Variants in MPP2 observed in about 807,000 individuals in gnomAD.
MPP2 encodes MAGUK p55 subfamily member 2.
MPP2 carries 42 observed loss-of-function variants against 58.5 expected under a neutral mutation model. That is an observed-to-expected ratio of 0.72 (90% CI 0.56 to 0.93). The LOEUF (loss-of-function observed/expected upper bound fraction) is 0.93, where lower values mean the gene tolerates loss of function less well. Among genes scored for constraint, MPP2 ranks in the 40% least tolerant of loss-of-function variants. The pLI, the probability that MPP2 is intolerant of heterozygous loss-of-function variation, is 0.00. For missense variants in MPP2, 632 were observed against 760.4 expected, an observed-to-expected ratio of 0.83 and a Z score of 1.99; for synonymous variants, 300 against 307.8, an observed-to-expected ratio of 0.97 and a Z score of 0.26.
At chr17:43,883,128 C>G in intron 4 of MPP2, 75 bp downstream of exon 4, 2 of 1,555,188 alleles carry the variant, frequency 1.3e-6, no homozygotes, top group Middle Eastern at 1.8e-4. Context: ...CAACTTCCTG[C>G]TGGCCCATCC....
chr17:43,901,551 T>C (rs775657885), intron 2 of MPP2: 97 of 985,114 alleles, frequency 9.8e-5, no homozygotes, highest in Non-Finnish European at 1.1e-4. Flanking sequence ...CCCTGAGGAG[T>C]GGCACCAGGT....
In MPP2 at chr17:43,880,091, G is replaced by T. The variant is rs983281340; in HGVS notation, c.1151-107C>A. 9.5e-7 allele frequency: 1 copy of T among 1,056,966 alleles called. No homozygotes were observed. The highest frequency in any genetic ancestry group is 1.4e-6 in the Non-Finnish European group (1 of 716,890). 65.5% of individuals were successfully genotyped at this position (1,056,966 alleles called of 1,614,324 possible). A position where few individuals can be genotyped will look rare whatever the true frequency, so the allele number is the denominator to read the frequency against. On this transcript the variant is annotated intron_variant, in intron 10 of 12. Transcript: ENST00000269095. The surrounding 1 kb of genome is among the most constrained non-coding windows in gnomAD (Gnocchi z 5.2). ...GCCCCCGTTTCCCAGCCTTGGAGGT[G>T]CAGTCTGCTCCCCATCTTGCCAGCA... is the stretch of plus-strand genomic sequence containing the variant.
Position 43,879,608 on chromosome 17 carries a change from T to A in MPP2, c.1353+174A>T, listed in dbSNP as rs2047008608. On this transcript the variant is annotated intron_variant, in intron 11 of 12. Coordinates refer to ENST00000269095, the MANE Select transcript of MPP2 (RefSeq NM_005374.5). The surrounding 1 kb of genome is among the most constrained non-coding windows in gnomAD (Gnocchi z 4.1). The stretch of plus-strand genomic sequence containing the variant: ...TGACTGGAGGAGACTAGAGGAGGAG[T>A]GGGGACTCTGGAAGGCTGAGAAAGG... Among the ~76,000 whole-genome samples the A allele has an allele frequency of 6.6e-6, 1 of 150,428 alleles. No homozygotes were observed. The highest frequency in any genetic ancestry group is 2.5e-5 in the African/African-American group (1 of 40,724).
intron 3 of MPP2, among the ~76,000 whole-genome samples, chr17:43,892,542 CT>C (rs139751840): frequency 1.0e-4 from 15 of 149,720 alleles, no homozygotes; most frequent in East Asian, 5.9e-4. Context: ...AAATGAATGG[CT>C]TTTTTTTTTC....
In MPP2 at chr17:43,883,270, G is replaced by A. The variant is rs148439699; in HGVS notation, c.236C>T (p.Ala79Val). Residue 79 changes from alanine (A) to valine (V), a missense_variant, in exon 4 of 13, where the codon GCG becomes GTG. Physicochemically the swap from Ala to Val is moderately conservative, Grantham distance 64 (BLOSUM62 0). Transcript: ENST00000269095. ...ELVQEILRDL[A>V]QLAEQSSTAA... is the part of the protein sequence containing the mutation. ...TGTGCTGCTCTGCTCAGCCAGCTGC[G>A]CCAGGTCCCGCAGGATCTCCTGCAC... 3.8e-5 allele frequency: 61 copies of A among 1,612,246 alleles called. No individual in the cohort carries two copies. The African/African-American group carries it at 4.5e-4, about 12-fold the overall frequency.
intron 6 of MPP2, among the ~76,000 whole-genome samples, chr17:43,881,945 T>C (rs1597759679): frequency 6.6e-6 from 1 of 152,104 alleles, no homozygotes; most frequent in South Asian, 2.1e-4. Flanking sequence ...ACCCCCAGAA[T>C]TGACCAACCA....
chr17:43,899,999 G>A (rs948288360), intron 2 of MPP2, among the ~76,000 whole-genome samples: 2 of 152,174 alleles, frequency 1.3e-5, no homozygotes, highest in Admixed American at 1.3e-4. Flanking sequence ...CACCCCTGGC[G>A]CCTCTCAATG....
At chr17:43,895,825 T>C (rs376996964) in intron 3 of MPP2, among the ~76,000 whole-genome samples, 28 of 152,286 alleles carry the variant, frequency 1.8e-4, no homozygotes, top group African/African-American at 6.5e-4. Flanking sequence ...CTTTAGTAAA[T>C]GAGTAGGATC....
chr17:43,902,943 G>A (rs73304628), intron 2 of MPP2, among the ~76,000 whole-genome samples: 3,381 of 152,214 alleles, frequency 0.022, 142 homozygotes, highest in African/African-American at 0.077. Context: ...ATATGTCTAC[G>A]ATGAGGGCTC....
chr17:43,880,721 C>G lies in MPP2; in HGVS notation c.1120G>C (p.Asp374His), dbSNP rs755393365. Residue 374 changes from aspartate to histidine, a missense_variant, in exon 10 of 13, where the codon GAT (aspartate) becomes CAT (histidine). Coordinates refer to ENST00000269095, the MANE Select transcript of MPP2 (RefSeq NM_005374.5). The surrounding 1 kb of genome is among the most constrained non-coding windows in gnomAD (Gnocchi z 5.2). The stretch of plus-strand genomic sequence containing the variant: ...ACCGTGGTGCCATAGCGATCTGGAT[C>G]CCACATGATGAGCTTGTTCTTCAGG... Reference protein sequence around the residue: ...RSLKNKLIMWDPDRYGTTVPY... With the variant: ...RSLKNKLIMWHPDRYGTTVPY... The G allele has an allele frequency of 6.2e-7, 1 of 1,613,286 alleles. No homozygotes were observed. Among genetic ancestry groups the G allele is most frequent in the Non-Finnish European group, 8.5e-7 (1 of 1,179,448 alleles).
rs770095533 is a variant in MPP2, at chr17:43,881,259, G to C, written c.904C>G (p.Leu302Val). The C allele has an allele frequency of 2.5e-6, 4 of 1,614,090 alleles. No homozygotes were observed. The highest frequency in any genetic ancestry group is 3.4e-6 in the Non-Finnish European group (4 of 1,179,984). ...RKAFVKRDLE[L>V]TPNSGTLCGS... is the part of the protein sequence containing the mutation. ...GACCTCCTACCTGAGTTTGGTGTCAGCTCCAGGTCCCTCTTGACAAATGCT... is the reference window on the plus strand; with the variant it reads ...GACCTCCTACCTGAGTTTGGTGTCACCTCCAGGTCCCTCTTGACAAATGCT... Residue 302 changes from leucine to valine, a missense_variant, in exon 8 of 13, where the codon CTG becomes GTG. Physicochemically the swap from Leu to Val is conservative, Grantham distance 32. Transcript: ENST00000269095.
intron 3 of MPP2, among the ~76,000 whole-genome samples, chr17:43,894,549 G>A (rs1247880497): frequency 2.0e-5 from 3 of 146,350 alleles, no homozygotes; most frequent in African/African-American, 7.5e-5. Flanking sequence ...CTTGGGAGGT[G>A]GAGGTTGCAG....
chr17:43,908,973 CT>C (rs1342019332), upstream of MPP2, among the ~76,000 whole-genome samples: 3 of 152,222 alleles, frequency 2.0e-5, no homozygotes, highest in African/African-American at 7.2e-5. Context: ...GAATTGCAGG[CT>C]TTGGTCTCTA....
chr17:43,889,805 G>GT lies in MPP2; in HGVS notation c.151-6451dup, dbSNP rs869131021. Among the ~76,000 whole-genome samples, 331 of 37,894 alleles carry GT rather than the reference G, an allele frequency of 8.7e-3. 17 individuals carry two copies. Among genetic ancestry groups the GT allele is most frequent in the African/African-American group, 0.02 (295 of 14,634 alleles). The allele number at this position is 37,894 out of a possible 152,430, so 24.9% of individuals were successfully genotyped here. A position where few individuals can be genotyped will look rare whatever the true frequency, so the allele number is the denominator to read the frequency against. On this transcript the variant is annotated intron_variant, in intron 3 of 12. Coordinates refer to ENST00000269095, the MANE Select transcript of MPP2 (RefSeq NM_005374.5). ...AAGGGAATTGTGTCTGTCCAAATGC[G>GT]TTTTTTTTTTTGTTTTTTTTTTTTT... is the stretch of plus-strand genomic sequence containing the variant.
rs2059450553 is a variant in MPP2, at chr17:43,875,751, G to A, written c.*2056C>T. 1 of 152,166 alleles carries A rather than the reference G, an allele frequency of 6.6e-6. No homozygotes were observed. Among genetic ancestry groups the A allele is most frequent in the Non-Finnish European group, 1.5e-5 (1 of 68,054 alleles). The allele number at this position is 152,166 out of a possible 1,614,324, so 9.4% of individuals were successfully genotyped here. On this transcript the variant is annotated 3_prime_UTR_variant, in exon 13 of 13. Coordinates refer to ENST00000269095, the MANE Select transcript of MPP2 (RefSeq NM_005374.5). ...GGGAAGGGCCCCAGGCCTGCCCCTTGAGCATCCCTAGCAGTGAAGGTGCCA... is the reference window on the plus strand; with the variant it reads ...GGGAAGGGCCCCAGGCCTGCCCCTTAAGCATCCCTAGCAGTGAAGGTGCCA...
rs1357398998 is a variant in MPP2, at chr17:43,880,866, G to A, written c.989-14C>T. The A allele has an allele frequency of 4.4e-6, 7 of 1,588,902 alleles. No homozygotes were observed. Among genetic ancestry groups the A allele is most frequent in the African/African-American group, 1.3e-5 (1 of 74,434 alleles). ...GACGGTCAAACTCTGGACACAGGGA[G>A]ATGGCGCTGCTCACCAGGCTGCACG... On this transcript the variant is annotated splice_polypyrimidine_tract_variant and intron_variant, in intron 9 of 12. Transcript: ENST00000269095. This position sits in a 1 kb window ranked among gnomAD's most constrained non-coding sequence, Gnocchi z 5.2.
Position 43,881,365 on chromosome 17 carries a change from G to A in MPP2, c.814-16C>T. ...CATGGCATGCCTAAAACGGACATGA[G>A]ACCAAGATCTGCCTGAGCAAGAGGA... On this transcript the variant is annotated splice_polypyrimidine_tract_variant and intron_variant, in intron 7 of 12. Transcript: ENST00000269095. 1.9e-6 allele frequency: 3 copies of A among 1,614,110 alleles called. No individual in the cohort carries two copies. The highest frequency in any genetic ancestry group is 1.7e-6 in the Non-Finnish European group (2 of 1,179,984).
chr17:43,900,387 C>T, intron 2 of MPP2: 1 of 1,492,616 alleles, frequency 6.7e-7, no homozygotes, highest in African/African-American at 1.4e-5. Context: ...CCCAGGCCAC[C>T]CTCCCCAGAT....
At chr17:43,901,026 A>T (rs1256763027) in intron 2 of MPP2, among the ~76,000 whole-genome samples, 1 of 151,532 alleles carries the variant, frequency 6.6e-6, no homozygotes, top group Non-Finnish European at 1.5e-5. Context: ...ACCCCATGCC[A>T]CCTCCTCCCT....
Sources: allele counts gnomAD v4.1 joint callset (sites outside exome capture counted in the v4.1 genomes callset), GRCh38; gene constraint gnomAD v4.1.1; non-coding constraint Gnocchi (gnomAD v3.1); transcripts MANE v1.5; gene names NCBI Gene and HGNC (gene_info 2026-07-23, HGNC 2026-07-21).